Variants in PKHD1 observed in about 807,000 individuals in gnomAD.
PKHD1 encodes PKHD1 ciliary IPT domain containing fibrocystin/polyductin.
PKHD1 carries 291 observed loss-of-function variants against 412.0 expected under a neutral mutation model. The ratio of observed to expected loss-of-function variants is 0.71; its 90% CI spans 0.64 to 0.78. The LOEUF is 0.78. Among genes scored for constraint, PKHD1 ranks in the 30% least tolerant of loss-of-function variants. PKHD1 has a pLI of 0.00. For synonymous variants in PKHD1, 1,777 were observed against 1,821.5 expected (o/e 0.98, Z 0.62); for missense variants, 4,825 against 4,950.7 (o/e 0.97, Z 0.76).
chr6:51,953,444 A>T (rs1790662541), intron 36 of PKHD1, among the ~76,000 whole-genome samples: 1 of 152,088 alleles, frequency 6.6e-6, no homozygotes. Flanking sequence ...CTGATGCACA[A>T]AGAGATCACA....
In PKHD1 at chr6:52,043,086, C is replaced by T. The variant is rs760955627; in HGVS notation, c.2870G>A (p.Gly957Asp). The T allele has an allele frequency of 1.2e-6, 2 of 1,613,256 alleles. No homozygotes were observed. The part of the protein sequence containing the change: ...MIYITGTGFS[G>D]DSQFLQVTVN... The stretch of plus-strand genomic sequence containing the variant: ...TGTAACCTGCAAGAACTGGGAGTCA[C>T]CAGAGAAACCAGTTCCGGTAATGTA... The change falls in exon 27 of 67, where the codon GGT (glycine) becomes GAT (aspartate). Residue 957 changes from glycine to aspartate, a missense_variant. Coordinates refer to ENST00000371117, the MANE Select transcript of PKHD1 (RefSeq NM_138694.4).
Position 51,906,251 on chromosome 6 carries a change from C to T in PKHD1, c.6772G>A (p.Val2258Ile), listed in dbSNP as rs1017289931. The change falls in exon 41 of 67, where the codon GTA becomes ATA. Residue 2258 changes from valine (V) to isoleucine (I), a missense_variant. Val to Ile is a conservative substitution (Grantham distance 29). Coordinates refer to ENST00000371117, the MANE Select transcript of PKHD1 (RefSeq NM_138694.4). Reference sequence around the variant, plus strand: ...GCATGACCTAAAATATTGTAGAATACATTACTGTCCACCTTCAGGCCCAAG... The same window carrying T: ...GCATGACCTAAAATATTGTAGAATATATTACTGTCCACCTTCAGGCCCAAG... ...GTLGLKVDSN[V>I]FYNILGHALL... The T allele has an allele frequency of 3.7e-6, 6 of 1,611,664 alleles. No homozygotes were observed. The highest frequency in any genetic ancestry group is 5.1e-6 in the Non-Finnish European group (6 of 1,178,046).
intron 36 of PKHD1, among the ~76,000 whole-genome samples, chr6:51,959,051 A>G (rs1278669505): frequency 6.6e-6 from 1 of 152,144 alleles, no homozygotes; most frequent in East Asian, 1.9e-4. Context: ...CCTCTTTAAA[A>G]TATTTTATTT....
intron 55 of PKHD1, among the ~76,000 whole-genome samples, chr6:51,758,156 T>C (rs1787385592): frequency 6.6e-6 from 1 of 152,122 alleles, no homozygotes; most frequent in Non-Finnish European, 1.5e-5. Flanking sequence ...ATTAAAAACA[T>C]AAATAAACTT....
chr6:52,053,719 G>A (rs1360064965), intron 20 of PKHD1, among the ~76,000 whole-genome samples: 2 of 152,118 alleles, frequency 1.3e-5, no homozygotes, highest in Admixed American at 6.5e-5. Flanking sequence ...GAATTTTGAT[G>A]AATCACAAAT....
At chr6:52,077,889 C>T (rs920639341) in intron 5 of PKHD1, among the ~76,000 whole-genome samples, 1 of 151,408 alleles carries the variant, frequency 6.6e-6, no homozygotes, top group Non-Finnish European at 1.5e-5. Context: ...CCCAGCCAAC[C>T]ACTGCCCCTA....
chr6:51,795,434 CA>C (rs1794452119), intron 52 of PKHD1, among the ~76,000 whole-genome samples: 1 of 152,104 alleles, frequency 6.6e-6, no homozygotes, highest in Admixed American at 6.5e-5. Context: ...TGGGCTGAAA[CA>C]ATAGGGTTTT....
At chr6:52,078,324 C>A (rs9474142) in intron 5 of PKHD1, among the ~76,000 whole-genome samples, 2,820 of 152,154 alleles carry the variant, frequency 0.019, 83 homozygotes, top group African/African-American at 0.065. Context: ...TCAAGCTTCC[C>A]GCATGCTGAT....
chr6:51,635,367 C>T (rs979488401), intron 64 of PKHD1, among the ~76,000 whole-genome samples: 1 of 152,158 alleles, frequency 6.6e-6, no homozygotes, highest in African/African-American at 2.4e-5. Context: ...AGGGTGGAGA[C>T]CACTGGCTCT....
At chr6:51,712,762 C>T (rs1175454698) in intron 60 of PKHD1, among the ~76,000 whole-genome samples, 3 of 152,268 alleles carry the variant, frequency 2.0e-5, no homozygotes, top group South Asian at 4.1e-4. Context: ...CTTCACATCT[C>T]TGAAATTCAA....
At chr6:51,932,207 A>C (rs531129488) in intron 37 of PKHD1, among the ~76,000 whole-genome samples, 141 of 152,352 alleles carry the variant, frequency 9.3e-4, no homozygotes, top group Non-Finnish European at 1.7e-3. Context: ...ACATTTGCTT[A>C]ACCACAAAGG....
At chr6:51,904,633 T>G (rs950336083) in intron 41 of PKHD1, among the ~76,000 whole-genome samples, 1 of 152,158 alleles carries the variant, frequency 6.6e-6, no homozygotes, top group African/African-American at 2.4e-5. Flanking sequence ...TGAGATTGAG[T>G]GCTTTACCCA....
At chr6:51,825,243 G>C (rs1432052753) in intron 52 of PKHD1, among the ~76,000 whole-genome samples, 2 of 152,174 alleles carry the variant, frequency 1.3e-5, no homozygotes, top group East Asian at 3.8e-4. Flanking sequence ...CTCCTATTGA[G>C]AGGTGGAACC....
chr6:52,071,184 G>A, intron 8 of PKHD1, 114 bp from the exon 9 acceptor site: 1 of 761,814 alleles, frequency 1.3e-6, no homozygotes, highest in South Asian at 1.4e-5. Flanking sequence ...TAGAGAAAAT[G>A]GTAGACAGAG....
chr6:51,721,144 C>T (rs1781877766), intron 60 of PKHD1: 2 of 949,082 alleles, frequency 2.1e-6, no homozygotes, highest in African/African-American at 1.8e-5. Flanking sequence ...TAATGGAACA[C>T]TGGGCACATG....
intron 65 of PKHD1, among the ~76,000 whole-genome samples, chr6:51,632,271 T>C (rs1200377261): frequency 6.6e-6 from 1 of 152,086 alleles, no homozygotes; most frequent in Non-Finnish European, 1.5e-5. Context: ...TTCACCCACC[T>C]CATTGGGTTG....
At chr6:51,984,490 C>G (rs1795971997) in intron 35 of PKHD1, among the ~76,000 whole-genome samples, 1 of 152,228 alleles carries the variant, frequency 6.6e-6, no homozygotes, top group Admixed American at 6.5e-5. Context: ...TTGTCAGTTT[C>G]TACCTCTAAA....
intron 56 of PKHD1, 24 bp downstream of exon 56, chr6:51,754,760 T>G (rs1180029469): frequency 6.2e-7 from 1 of 1,610,132 alleles, no homozygotes; most frequent in Non-Finnish European, 8.5e-7. Context: ...TTCACTTACC[T>G]TAACCAACAA....
In PKHD1 at chr6:51,655,586, T is replaced by C. The variant is rs16881764; in HGVS notation, c.11174+3366A>G. On this transcript the variant is annotated intron_variant, in intron 61 of 66. Coordinates refer to ENST00000371117, the MANE Select transcript of PKHD1 (RefSeq NM_138694.4). ...CACAAACAAAGAGCTTTATGTGATA[T>C]GCCATATTACTTTCTATTGCTGTAT... 9.9e-3 allele frequency among the ~76,000 whole-genome samples: 1,510 copies of C among 152,274 alleles called. 18 individuals carry two copies. Among genetic ancestry groups the C allele is most frequent in the African/African-American group, 0.032 (1,333 of 41,570 alleles).
Sources: allele counts gnomAD v4.1 joint callset (sites outside exome capture counted in the v4.1 genomes callset), GRCh38; gene constraint gnomAD v4.1.1; transcripts MANE v1.5; gene names NCBI Gene and HGNC (gene_info 2026-07-23, HGNC 2026-07-21).